Variants in LPXN observed in about 807,000 individuals in gnomAD.
LPXN encodes the protein leupaxin.
A neutral mutation model predicts 45.6 loss-of-function variants in LPXN; 28 were observed. The ratio of observed to expected loss-of-function variants is 0.61; its 90% CI spans 0.45 to 0.84. LPXN has a LOEUF of 0.84. LPXN is among the 40% of genes least tolerant of loss of function. The pLI, the probability that LPXN is intolerant of heterozygous loss-of-function variation, is 0.00. For missense variants in LPXN, 459 were observed against 475.0 expected (o/e 0.97, Z 0.31); for synonymous variants, 166 against 169.9 (o/e 0.98, Z 0.18).
intron 7 of LPXN, among the ~76,000 whole-genome samples, chr11:58,535,796 AAAGCTGAT>A (rs1211912579): frequency 6.6e-6 from 1 of 152,226 alleles, no homozygotes; most frequent in Non-Finnish European, 1.5e-5. Flanking sequence ...AAAATCTCCT[AAAGCTGAT>A]AAGCAACTTC....
chr11:58,574,451 CAG>C (rs1241818053), intron 1 of LPXN, among the ~76,000 whole-genome samples: 15 of 152,248 alleles, frequency 9.9e-5, no homozygotes, highest in African/African-American at 3.6e-4. Flanking sequence ...AGGGTTGCTG[CAG>C]ACACTAAAAT....
upstream of LPXN, among the ~76,000 whole-genome samples, chr11:58,577,461 CT>C (rs1250458483): frequency 6.6e-6 from 1 of 152,046 alleles, no homozygotes; most frequent in Non-Finnish European, 1.5e-5. Flanking sequence ...ATCCCCAGAT[CT>C]TGTTTCCAGC....
rs566978555 is a variant in LPXN, at chr11:58,538,701, G to A, written c.743-10510C>T. On this transcript the variant is annotated intron_variant, in intron 7 of 8. Transcript: ENST00000395074. ...GACGGATATGTTAATTTGCCTAACT[G>A]TAATAAATATTTCACTGTGTATATC... is the stretch of plus-strand genomic sequence containing the variant. Among the ~76,000 whole-genome samples the A allele has an allele frequency of 7.9e-5, 12 of 152,158 alleles. No individual in the cohort carries two copies. In the East Asian group the frequency reaches 2.3e-3, roughly 29 times the overall value.
intron 7 of LPXN, among the ~76,000 whole-genome samples, chr11:58,530,726 G>A (rs2120180698): frequency 6.6e-6 from 1 of 152,302 alleles, no homozygotes; most frequent in East Asian, 1.9e-4. Flanking sequence ...GCCTCCTTGA[G>A]TGGGTCTGTG....
At chr11:58,530,269 C>T (rs1853348561) in intron 7 of LPXN, among the ~76,000 whole-genome samples, 1 of 152,216 alleles carries the variant, frequency 6.6e-6, no homozygotes, top group Non-Finnish European at 1.5e-5. Context: ...GTCCCACCCC[C>T]ATGGAGCCCA....
In LPXN at chr11:58,570,590, A is replaced by G; in HGVS notation, c.137T>C (p.Ile46Thr). 1.9e-6 allele frequency: 3 copies of G among 1,613,362 alleles called. No homozygotes were observed. Among genetic ancestry groups the G allele is most frequent in the Non-Finnish European group, 2.5e-6 (3 of 1,179,832 alleles). ...ACTTGTGTTATCCTGAATAGAAAGG[A>G]TCTCCGAAGTCTCATCAAGGTTAGT... Reference protein sequence around the residue: ...KETNLDETSEILSIQDNTSPL... With the variant: ...KETNLDETSETLSIQDNTSPL... The change falls in exon 2 of 9, where the codon ATC (isoleucine) becomes ACC (threonine). Residue 46 changes from isoleucine to threonine, a missense_variant. Physicochemically the swap from Ile to Thr is moderately conservative, Grantham distance 89. Transcript: ENST00000395074.
chr11:58,570,107 C>T (rs1854641101), intron 2 of LPXN, among the ~76,000 whole-genome samples: 1 of 151,976 alleles, frequency 6.6e-6, no homozygotes, highest in Non-Finnish European at 1.5e-5. Flanking sequence ...AGTTTGAGAC[C>T]AGCCTGGCCA....
At chr11:58,564,912 T>C (rs1854483538) in intron 2 of LPXN, among the ~76,000 whole-genome samples, 1 of 152,010 alleles carries the variant, frequency 6.6e-6, no homozygotes, top group South Asian at 2.1e-4. Flanking sequence ...AGCAAATATC[T>C]GGGGTCATAT....
rs781431878 is a variant in LPXN at position 58,550,052 on chromosome 11, C to CTTG, written c.580_581insCAA (p.Arg193_Ser194insThr). On this transcript the variant is annotated inframe_insertion, in exon 6 of 9. Transcript: ENST00000395074. ...GTCGTTGGGGCAGTAGGCCAAGCCA[C>CTTG]TCCGCTCAAAGAAGGGACTGGAGCC... 18 of 1,614,230 alleles carry CTTG rather than the reference C, an allele frequency of 1.1e-5. No individual in the cohort carries two copies. The highest frequency in any genetic ancestry group is 1.5e-5 in the Non-Finnish European group (18 of 1,180,030).
chr11:58,561,712 A>G (rs151004179), intron 3 of LPXN, among the ~76,000 whole-genome samples: 59 of 152,344 alleles, frequency 3.9e-4, no homozygotes, highest in African/African-American at 1.4e-3. Flanking sequence ...AAACCTTCCA[A>G]TCTCACAGTT....
At chr11:58,559,903 C>G (rs1216180065) in intron 3 of LPXN, among the ~76,000 whole-genome samples, 1 of 152,028 alleles carries the variant, frequency 6.6e-6, no homozygotes, top group Non-Finnish European at 1.5e-5. Flanking sequence ...AAATTTACTT[C>G]CATTTATATA....
At chr11:58,550,251 C>A in intron 5 of LPXN, 105 bp from the exon 6 acceptor site, 1 of 1,048,490 alleles carries the variant, frequency 9.5e-7, no homozygotes, top group East Asian at 2.4e-5. Context: ...CCCTTGTAGA[C>A]AACACGCCCT....
chr11:58,533,023 C>T (rs1197682662), intron 7 of LPXN, among the ~76,000 whole-genome samples: 20 of 151,374 alleles, frequency 1.3e-4, no homozygotes, highest in Admixed American at 1.3e-3. Flanking sequence ...GACGCACCGC[C>T]TTAAGAGCTG....
chr11:58,544,527 CGA>C (rs1565190743), intron 7 of LPXN, among the ~76,000 whole-genome samples: 1 of 152,054 alleles, frequency 6.6e-6, no homozygotes, highest in East Asian at 1.9e-4. Flanking sequence ...CAGCTGGTTT[CGA>C]GAGTGGGATA....
upstream of LPXN, among the ~76,000 whole-genome samples, chr11:58,576,391 A>C (rs1854892612): frequency 6.6e-6 from 1 of 152,194 alleles, no homozygotes; most frequent in African/African-American, 2.4e-5. Flanking sequence ...CAGTGGTCCC[A>C]AAAGCAAACA....
In LPXN at chr11:58,533,775, C is replaced by T. The variant is rs550054735; in HGVS notation, c.743-5584G>A. Among the ~76,000 whole-genome samples the T allele has an allele frequency of 2.6e-5, 4 of 152,006 alleles. No individual in the cohort carries two copies. In the South Asian group the frequency reaches 6.2e-4, roughly 24 times the overall value. ...TCATTGGTGTGCTGTATTCAGGAGA[C>T]CCATCTCACATGCAAAGACACACAT... On this transcript the variant is annotated intron_variant, in intron 7 of 8. Transcript: ENST00000395074.
In LPXN at chr11:58,575,852, G is replaced by C; in HGVS notation, c.-80C>G. Reference sequence around the variant, plus strand: ...TGTGCTGAAGAAGAGGACCGCAAAGGAACTGGATGAGACAGCATAAGGCAG... The same window carrying C: ...TGTGCTGAAGAAGAGGACCGCAAAGCAACTGGATGAGACAGCATAAGGCAG... On this transcript the variant is annotated 5_prime_UTR_variant, in exon 1 of 9. Coordinates refer to ENST00000395074, the MANE Select transcript of LPXN (RefSeq NM_004811.3). 6.2e-7 allele frequency: 1 copy of C among 1,613,822 alleles called. No homozygotes were observed. Among genetic ancestry groups the C allele is most frequent in the Middle Eastern group, 1.7e-4 (1 of 6,052 alleles).
chr11:58,564,745 G>C (rs919418277), intron 2 of LPXN, among the ~76,000 whole-genome samples: 4 of 152,210 alleles, frequency 2.6e-5, no homozygotes, highest in African/African-American at 9.7e-5. Flanking sequence ...TTCTGGTGCT[G>C]TGAAACAAAT....
At chr11:58,561,305 A>G (rs1485550041) in intron 3 of LPXN, among the ~76,000 whole-genome samples, 1 of 152,232 alleles carries the variant, frequency 6.6e-6, no homozygotes, top group Non-Finnish European at 1.5e-5. Context: ...CTTAAGAAGA[A>G]AAGACTATCT....
Sources: gnomAD v4.1 joint callset for allele counts (sites outside exome capture counted in the v4.1 genomes callset) on GRCh38, gnomAD v4.1.1 for gene constraint, MANE v1.5 for transcripts, NCBI Gene and HGNC (gene_info 2026-07-23, HGNC 2026-07-21) for gene names.